The following SLCO5A1 variants were observed in gnomAD, a reference collection of about 807,000 sequenced individuals.
The protein encoded by SLCO5A1 is solute carrier organic anion transporter family member 5A1, also known as organic anion transporter polypeptide-related protein 4.
In SLCO5A1, 39 loss-of-function variants were observed where a neutral mutation model predicts 65.1. The ratio of observed to expected loss-of-function variants is 0.60; its 90% CI spans 0.46 to 0.78. The LOEUF (loss-of-function observed/expected upper bound fraction) is 0.78. SLCO5A1 is among the 30% of genes least tolerant of loss of function. The pLI is 0.00. For missense variants in SLCO5A1, 1,029 were observed against 1,069.4 expected, an observed-to-expected ratio of 0.96 and a Z score of 0.53; for synonymous variants, 438 against 415.7, an observed-to-expected ratio of 1.05 and a Z score of -0.65.
Position 69,669,083 on chromosome 8 carries a change from C to G in SLCO5A1, c.*3786G>C, listed in dbSNP as rs959621409. 3 of 151,964 alleles carry G rather than the reference C, an allele frequency of 2.0e-5. No homozygotes were observed. Among genetic ancestry groups the G allele is most frequent in the Admixed American group, 6.6e-5 (1 of 15,258 alleles). The allele number at this position is 151,964 out of a possible 1,614,324, so 9.4% of individuals were successfully genotyped here. A position where few individuals can be genotyped will look rare whatever the true frequency, so the allele number is the denominator to read the frequency against. The stretch of plus-strand genomic sequence containing the variant: ...TAATGTTTCATTTCAGAAACTCTGC[C>G]GAGACCCGATGTTAACACGAAGACT... On this transcript the variant is annotated 3_prime_UTR_variant, in exon 10 of 10. Transcript: ENST00000260126.
chr8:69,749,328 G>T (rs1352424638), intron 4 of SLCO5A1, among the ~76,000 whole-genome samples: 1 of 152,016 alleles, frequency 6.6e-6, no homozygotes. Context: ...CTAAAGAAAT[G>T]ACCTGTTTCA....
chr8:69,710,406 T>A (rs2130815376), intron 5 of SLCO5A1, among the ~76,000 whole-genome samples: 1 of 152,104 alleles, frequency 6.6e-6, no homozygotes, highest in African/African-American at 2.4e-5. Flanking sequence ...GAAGTTTGGA[T>A]AGAAACTGAC....
intron 2 of SLCO5A1, among the ~76,000 whole-genome samples, chr8:69,795,046 C>T (rs964280579): frequency 1.3e-5 from 2 of 152,192 alleles, no homozygotes; most frequent in Non-Finnish European, 2.9e-5. Context: ...GGGACAACCC[C>T]TGTGATCCAA....
chr8:69,737,359 G>T (rs1231076414), intron 5 of SLCO5A1, among the ~76,000 whole-genome samples: 1 of 152,064 alleles, frequency 6.6e-6, no homozygotes, highest in African/African-American at 2.4e-5. Flanking sequence ...GGAAGATATG[G>T]CCAATCAGCC....
At chr8:69,780,081 C>T (rs914773980) in intron 2 of SLCO5A1, among the ~76,000 whole-genome samples, 1 of 151,938 alleles carries the variant, frequency 6.6e-6, no homozygotes, top group African/African-American at 2.4e-5. Context: ...CAGAGAAATG[C>T]AATTTAAAAC....
At chr8:69,831,632 TA>T in intron 2 of SLCO5A1, 134 bp downstream of exon 2, 1 of 1,003,454 alleles carries the variant, frequency 1.0e-6, no homozygotes, top group Non-Finnish European at 1.4e-6. Context: ...ACAGCAAGGC[TA>T]AAACGTAAAA....
At chr8:69,819,317 C>A (rs1343509364) in intron 2 of SLCO5A1, among the ~76,000 whole-genome samples, 2 of 151,970 alleles carry the variant, frequency 1.3e-5, no homozygotes, top group African/African-American at 4.8e-5. Flanking sequence ...GGCATAAGTA[C>A]CACCGAGACA....
At chr8:69,787,210 A>G (rs1819071026) in intron 2 of SLCO5A1, among the ~76,000 whole-genome samples, 1 of 152,210 alleles carries the variant, frequency 6.6e-6, no homozygotes. Context: ...CCTCTGATAC[A>G]TTTCTGACCA....
intron 6 of SLCO5A1, among the ~76,000 whole-genome samples, chr8:69,691,703 T>C (rs1332475256): frequency 6.6e-6 from 1 of 152,236 alleles, no homozygotes; most frequent in Non-Finnish European, 1.5e-5. Context: ...ATGTATATAG[T>C]CATGTGTCAC....
chr8:69,753,790 C>T (rs1302197067), intron 4 of SLCO5A1, among the ~76,000 whole-genome samples: 1 of 151,760 alleles, frequency 6.6e-6, no homozygotes. Flanking sequence ...GAGGGTGGAT[C>T]ACCTGAGGTC....
At chr8:69,777,869 A>G (rs565361519) in intron 2 of SLCO5A1, among the ~76,000 whole-genome samples, 2 of 152,314 alleles carry the variant, frequency 1.3e-5, no homozygotes, top group Admixed American at 1.3e-4. Context: ...GGTCAACTCC[A>G]CAACTGTCAA....
chr8:69,697,826 G>A (rs115206950), intron 6 of SLCO5A1, among the ~76,000 whole-genome samples: 4,297 of 152,192 alleles, frequency 0.028, 218 homozygotes, highest in African/African-American at 0.097. Context: ...TCCCCAGAAA[G>A]ATAATTTTTT....
rs765107280 is a variant in SLCO5A1, at chr8:69,761,844, A to G, written c.939T>C (p.Pro313=). 6 of 1,613,874 alleles carry G rather than the reference A, an allele frequency of 3.7e-6. No homozygotes were observed. The East Asian group carries it at 6.7e-5, about 18-fold the overall frequency. The change falls in exon 3 of 10, where the codon CCT becomes CCC. Residue 313 remains proline (P), a synonymous_variant. Transcript: ENST00000260126. ...GTCCACCTAATAAATATCCCACTGC[A>G]GGGCCAAGTGCTCCCATGACATACA... ...AIMYVMGALG[P]AVGYLLGGLL...
chr8:69,708,336 A>T (rs1314328641), intron 5 of SLCO5A1, among the ~76,000 whole-genome samples: 1 of 152,180 alleles, frequency 6.6e-6, no homozygotes, highest in South Asian at 2.1e-4. Context: ...TAGCCTTAGA[A>T]TGAAGATTAC....
chr8:69,788,140 C>A (rs1037579176), intron 2 of SLCO5A1, among the ~76,000 whole-genome samples: 1 of 152,082 alleles, frequency 6.6e-6, no homozygotes, highest in East Asian at 1.9e-4. Context: ...GGAGGGCAAC[C>A]CTGAGATTAT....
intron 2 of SLCO5A1, among the ~76,000 whole-genome samples, chr8:69,768,775 T>TG (rs1291213231): frequency 2.0e-5 from 3 of 152,102 alleles, no homozygotes; most frequent in African/African-American, 4.8e-5. Context: ...ACAATCACAC[T>TG]GGGGGTCAAG....
intron 6 of SLCO5A1, among the ~76,000 whole-genome samples, chr8:69,692,330 T>C (rs2130799276): frequency 6.6e-6 from 1 of 152,290 alleles, no homozygotes; most frequent in Non-Finnish European, 1.5e-5. Context: ...AGGACTGGAA[T>C]TTGCTCTGGG....
Position 69,673,128 on chromosome 8 carries a change from T to C in SLCO5A1, c.2288A>G (p.Lys763Arg). ...IFLAWYSIKY[K>R]EDGLQRRRQR... ...CCTCCGCCTCTGCAGTCCATCCTCC[T>C]TGTATTTTATGGAGTACCAGGCCAG... Residue 763 changes from lysine to arginine, a missense_variant, in exon 10 of 10, where the codon AAG (lysine) becomes AGG (arginine). Coordinates refer to ENST00000260126, the MANE Select transcript of SLCO5A1 (RefSeq NM_030958.3). 2 of 1,614,246 alleles carry C rather than the reference T, an allele frequency of 1.2e-6. No individual in the cohort carries two copies. The highest frequency in any genetic ancestry group is 1.7e-6 in the Non-Finnish European group (2 of 1,180,048).
At chr8:69,751,457 A>G (rs1817296614) in intron 4 of SLCO5A1, among the ~76,000 whole-genome samples, 1 of 152,214 alleles carries the variant, frequency 6.6e-6, no homozygotes, top group Non-Finnish European at 1.5e-5. Flanking sequence ...GTCTGTCATT[A>G]AAATGTGGAG....
Sources: allele counts gnomAD v4.1 joint callset (sites outside exome capture counted in the v4.1 genomes callset), GRCh38; gene constraint gnomAD v4.1.1; transcripts MANE v1.5; gene names NCBI Gene and HGNC (gene_info 2026-07-23, HGNC 2026-07-21).